Variants in ZC3H12B observed in about 807,000 individuals in gnomAD.
The protein encoded by ZC3H12B is zinc finger CCCH-type containing 12B.
In ZC3H12B, 7 loss-of-function variants were observed where a neutral mutation model predicts 43.9. The ratio of observed to expected loss-of-function variants is 0.16; its 90% confidence interval spans 0.09 to 0.30. The LOEUF is 0.30. ZC3H12B is among the 10% of genes least tolerant of loss of function. The pLI is 1.00. For synonymous variants in ZC3H12B, 222 were observed against 241.7 expected (o/e 0.92, Z 0.76); for missense variants, 475 against 670.2 (o/e 0.71, Z 3.22).
At chrX:65,358,754 TAACA>T in the ZC3H12B span, among the ~76,000 whole-genome samples, 2 of 111,448 alleles carry the variant, frequency 1.8e-5, no homozygotes, top group African/African-American at 6.5e-5. Context: ...ATCGACACCC[TAACA>T]TCACAATTAA....
the ZC3H12B span, among the ~76,000 whole-genome samples, chrX:65,312,893 G>GT: frequency 9.0e-6 from 1 of 111,145 alleles, no homozygotes; most frequent in African/African-American, 3.3e-5. Flanking sequence ...TTTTTTGTTT[G>GT]TTTTTTGAGA....
chrX:65,213,888 A>T, the ZC3H12B span, among the ~76,000 whole-genome samples: 2,560 of 105,758 alleles, frequency 0.024, 63 homozygotes, highest in African/African-American at 0.08. Context: ...GTAAAAAAAA[A>T]ATATATATAT....
At chrX:65,276,543 T>C in the ZC3H12B span, among the ~76,000 whole-genome samples, 1 of 111,776 alleles carries the variant, frequency 8.9e-6, no homozygotes, top group Non-Finnish European at 1.9e-5. Flanking sequence ...AGATGATATA[T>C]TTAAAGTGTC....
In ZC3H12B at chrX:65,408,501, C is replaced by T. The variant is rs961468638; in HGVS notation, n.407+9797C>T. 9.9e-6 allele frequency: 12 copies of T among 1,208,695 alleles called. No individual in the cohort carries two copies. The Admixed American group carries it at 1.1e-4, about 11-fold the overall frequency. On this transcript the variant is annotated intron_variant and non_coding_transcript_variant, in intron 3 of 5. Coordinates refer to the ZC3H12B transcript ENST00000617377. ...CATCTTTCTTATGGCCACGGACCCC[C>T]AGTTCCCCTTACGCCTCACCCTTCG...
At chrX:65,420,243 C>A (rs368737614) in intron 3 of ZC3H12B, among the ~76,000 whole-genome samples, 2 of 111,885 alleles carry the variant, frequency 1.8e-5, no homozygotes, top group Admixed American at 9.4e-5. Flanking sequence ...CTTCATACCA[C>A]CCCTCACAGA....
the ZC3H12B span, among the ~76,000 whole-genome samples, chrX:65,163,184 G>A: frequency 1.8e-5 from 2 of 111,176 alleles, no homozygotes; most frequent in Non-Finnish European, 3.8e-5. Flanking sequence ...CCTACTGGGG[G>A]GTGCCTCCCA....
At chrX:65,318,276 G>A in the ZC3H12B span, among the ~76,000 whole-genome samples, 4 of 109,141 alleles carry the variant, frequency 3.7e-5, no homozygotes, top group South Asian at 7.9e-4. Context: ...CTGGTCATTC[G>A]TGATGTTGAG....
intron 3 of ZC3H12B, among the ~76,000 whole-genome samples, chrX:65,458,038 C>T (rs1470885056): frequency 3.9e-5 from 2 of 51,092 alleles, no homozygotes; most frequent in African/African-American, 2.2e-4. Flanking sequence ...TCCCCCTCTG[C>T]GAGAAACACC....
chrX:65,097,931 A>G, the ZC3H12B span, among the ~76,000 whole-genome samples: 1 of 111,678 alleles, frequency 9.0e-6, no homozygotes, highest in Non-Finnish European at 1.9e-5. Flanking sequence ...ATCCTTTGTC[A>G]AAAGTCCCTT....
intron 3 of ZC3H12B, among the ~76,000 whole-genome samples, chrX:65,451,544 G>A (rs1397420297): frequency 9.0e-6 from 1 of 110,816 alleles, no homozygotes; most frequent in Non-Finnish European, 1.9e-5. Context: ...GTATCACTAT[G>A]TTGCTCAGGC....
chrX:65,460,703 T>G (rs2067728815), intron 3 of ZC3H12B, among the ~76,000 whole-genome samples: 1 of 111,820 alleles, frequency 8.9e-6, no homozygotes, highest in South Asian at 3.7e-4. Context: ...TATACTAAAA[T>G]TAATTCAAGA....
the ZC3H12B span, among the ~76,000 whole-genome samples, chrX:65,088,252 G>A: frequency 9.0e-6 from 1 of 111,609 alleles, no homozygotes; most frequent in Non-Finnish European, 1.9e-5. Context: ...AGGGAGATAA[G>A]ACTGCCCTTT....
At chrX:65,165,020 G>A in the ZC3H12B span, among the ~76,000 whole-genome samples, 1 of 111,708 alleles carries the variant, frequency 9.0e-6, no homozygotes, top group East Asian at 2.8e-4. Flanking sequence ...AAAACTTAGA[G>A]AACATAGAGA....
chrX:65,161,371 C>T, the ZC3H12B span, among the ~76,000 whole-genome samples: 1,794 of 111,281 alleles, frequency 0.016, 42 homozygotes, highest in African/African-American at 0.056. Context: ...GTGTTAAAAT[C>T]TCCCATTATT....
At chrX:65,402,220 G>T (rs1055454498) in intron 3 of ZC3H12B, among the ~76,000 whole-genome samples, 3 of 111,920 alleles carry the variant, frequency 2.7e-5, no homozygotes, top group African/African-American at 9.8e-5. Context: ...ACAGAGTGAA[G>T]GTTCTCTTCC....
the ZC3H12B span, among the ~76,000 whole-genome samples, chrX:65,242,184 T>G: frequency 9.0e-6 from 1 of 110,924 alleles, no homozygotes; most frequent in Non-Finnish European, 1.9e-5. Flanking sequence ...GGTTTAGCCA[T>G]TCACCTAGTC....
At chrX:65,391,782 C>A (rs1398378696) in intron 2 of ZC3H12B, among the ~76,000 whole-genome samples, 1 of 111,413 alleles carries the variant, frequency 9.0e-6, no homozygotes, top group Non-Finnish European at 1.9e-5. Flanking sequence ...TCTCCCTCAT[C>A]TCCGTCTTCC....
chrX:65,133,338 A>G, the ZC3H12B span, among the ~76,000 whole-genome samples: 1 of 110,037 alleles, frequency 9.1e-6, no homozygotes, highest in Non-Finnish European at 1.9e-5. Context: ...AGCTTTTTCT[A>G]ATGTCGGGAG....
At chrX:65,330,945 T>C in the ZC3H12B span, 4 of 308,749 alleles carry the variant, frequency 1.3e-5, no homozygotes, top group Non-Finnish European at 2.5e-5. Flanking sequence ...ACACACAAGA[T>C]GTCTTCTTTC....
Sources: allele counts gnomAD v4.1 joint callset (sites outside exome capture counted in the v4.1 genomes callset), GRCh38; gene constraint gnomAD v4.1.1; transcripts MANE v1.5; gene names NCBI Gene and HGNC (gene_info 2026-07-23, HGNC 2026-07-21).